Variants in CRLF1 observed in about 807,000 individuals in gnomAD.
CRLF1 encodes cytokine receptor-like factor 1.
In CRLF1, 36 loss-of-function variants were observed where a neutral mutation model predicts 48.9. The ratio of observed to expected loss-of-function variants is 0.74; its 90% confidence interval spans 0.56 to 0.97. The LOEUF (loss-of-function observed/expected upper bound fraction) is 0.97, where lower values mean the gene tolerates loss of function less well. CRLF1 is among the 50% of genes least tolerant of loss of function. The pLI, the probability that CRLF1 is intolerant of heterozygous loss-of-function variation, is 0.00. For synonymous variants in CRLF1, 256 were observed against 253.4 expected, an observed-to-expected ratio of 1.01 and a Z score of -0.10; for missense variants, 534 against 575.1, an observed-to-expected ratio of 0.93 and a Z score of 0.73.
rs540101061 is a variant in CRLF1 at position 18,596,811 on chromosome 19, CAGAGT to C, written c.856-26_856-22del. 8.2e-5 allele frequency: 133 copies of C among 1,612,994 alleles called. 2 individuals are homozygous for C. In the South Asian group the frequency reaches 9.7e-4, roughly 12 times the overall value. ...ACCACCTGGACAGTGAGGACAAGGT[CAGAGT>C]AGAGGGCGGGGCCTAGCAGGAGCGG... On this transcript the variant is annotated intron_variant, in intron 5 of 8. Transcript: ENST00000392386.
chr19:18,601,623 C>T lies in CRLF1; in HGVS notation c.116-1777G>A, dbSNP rs900761395. ...ATCGCCATGTTGGCCAGGCTGGTCT[C>T]GAACTCCTGACATCAAGTGATCCAC... On this transcript the variant is annotated intron_variant, in intron 1 of 8. Coordinates refer to ENST00000392386, the MANE Select transcript of CRLF1 (RefSeq NM_004750.5). Among the ~76,000 whole-genome samples the T allele has an allele frequency of 1.7e-4, 26 of 152,036 alleles. 1 individual carries two copies. Among genetic ancestry groups the T allele is most frequent in the Non-Finnish European group, 5.9e-5 (4 of 68,004 alleles).
At chr19:18,603,347 C>G (rs1267487828) in intron 1 of CRLF1, among the ~76,000 whole-genome samples, 1 of 152,208 alleles carries the variant, frequency 6.6e-6, no homozygotes, top group Non-Finnish European at 1.5e-5. Flanking sequence ...GAGCAGAGAC[C>G]TGAATAAAGT....
chr19:18,594,470 C>T, intron 6 of CRLF1, 36 bp from the exon 7 acceptor site: 1 of 1,316,242 alleles, frequency 7.6e-7, no homozygotes, highest in Non-Finnish European at 9.7e-7. Context: ...CAGAGCGCGC[C>T]CGGCAGGGGG....
chr19:18,594,029 T>TTCTTTGGG, intron 8 of CRLF1, 36 bp downstream of exon 8: 1 of 1,366,650 alleles, frequency 7.3e-7, no homozygotes, highest in Non-Finnish European at 1.0e-6. Context: ...GCCCTCCCCT[T>TTCTTTGGG]GCTCCCTCCC....
chr19:18,594,032 T>TTGGGCCC, intron 8 of CRLF1, 33 bp downstream of exon 8: 131 of 695,608 alleles, frequency 1.9e-4, no homozygotes, highest in Non-Finnish European at 2.6e-4. Flanking sequence ...CTCCCCTTGC[T>TTGGGCCC]CCCTCCCGCC....
chr19:18,594,029 T>TTCGGGGGG, intron 8 of CRLF1, 36 bp downstream of exon 8: 7 of 1,366,608 alleles, frequency 5.1e-6, no homozygotes, highest in South Asian at 2.5e-5. Context: ...GCCCTCCCCT[T>TTCGGGGGG]GCTCCCTCCC....
At chr19:18,597,244 G>A (rs1438104189) in intron 4 of CRLF1, among the ~76,000 whole-genome samples, 195 bp from the exon 5 acceptor site, 3 of 152,092 alleles carry the variant, frequency 2.0e-5, no homozygotes, top group African/African-American at 7.2e-5. Flanking sequence ...ATTAATGTTA[G>A]CTGTTATCAC....
chr19:18,598,475 G>C lies in CRLF1; in HGVS notation c.654C>G (p.Gly218=), dbSNP rs759235065. The change falls in exon 4 of 9, where the codon GGC becomes GGG. Residue 218 remains glycine, a synonymous_variant. Transcript: ENST00000392386. ...GCGTGAGTACATCGGAGCGGGCAGA[G>C]CCCAGGCGGTTGGTGGCCTCCACCC... The part of the protein sequence containing the change: ...EIWVEATNRL[G]SARSDVLTLD... 2 of 1,614,030 alleles carry C rather than the reference G, an allele frequency of 1.2e-6. No individual in the cohort carries two copies. The highest frequency in any genetic ancestry group is 2.7e-5 in the African/African-American group (2 of 74,938).
Position 18,593,403 on chromosome 19 carries a change from A to G in CRLF1, c.*163T>C. ...CTGGGGTGCACCCAAAGGTGGCCTCACGTGGGAGTCAGAGCTGTTATGGCC... is the reference window on the plus strand; with the variant it reads ...CTGGGGTGCACCCAAAGGTGGCCTCGCGTGGGAGTCAGAGCTGTTATGGCC... On this transcript the variant is annotated 3_prime_UTR_variant, in exon 9 of 9. Transcript: ENST00000392386. The G allele has an allele frequency of 1.1e-6, 1 of 951,022 alleles. No homozygotes were observed. The highest frequency in any genetic ancestry group is 1.6e-6 in the Non-Finnish European group (1 of 633,986). The allele number at this position is 951,022 out of a possible 1,614,324, so 58.9% of individuals were successfully genotyped here.
intron 8 of CRLF1, 33 bp downstream of exon 8, chr19:18,594,032 T>TCCCCCCCCCCCCCCCCCCCACC: frequency 1.4e-6 from 1 of 695,814 alleles, no homozygotes; most frequent in Non-Finnish European, 2.2e-6. Flanking sequence ...CTCCCCTTGC[T>TCCCCCCCCCCCCCCCCCCCACC]CCCTCCCGCC....
At chr19:18,594,893 GAGGAA>G (rs1976110679) in intron 6 of CRLF1, among the ~76,000 whole-genome samples, 2 of 152,280 alleles carry the variant, frequency 1.3e-5, no homozygotes, top group African/African-American at 4.8e-5. Flanking sequence ...GTCAGCCCAG[GAGGAA>G]AGGGCCTGAT....
Position 18,594,372 on chromosome 19 carries a change from C to G in CRLF1, c.1087G>C (p.Val363Leu). ...AGGAACTGCTTGAGCTCGCGCCGCA[C>G]CGGCCCCGAGCTCGGCTCTCCGCCC... ...PRGGEPSSGP[V>L]RRELKQFLGW... is the part of the protein sequence containing the mutation. Residue 363 changes from valine to leucine, a missense_variant, in exon 7 of 9, where the codon GTG (valine) becomes CTG (leucine). Coordinates refer to ENST00000392386, the MANE Select transcript of CRLF1 (RefSeq NM_004750.5). The G allele has an allele frequency of 6.2e-7, 1 of 1,607,426 alleles. No homozygotes were observed. Among genetic ancestry groups the G allele is most frequent in the Non-Finnish European group, 8.5e-7 (1 of 1,177,260 alleles).
chr19:18,596,428 T>C (rs1976133105), intron 6 of CRLF1, among the ~76,000 whole-genome samples, 194 bp downstream of exon 6: 1 of 152,006 alleles, frequency 6.6e-6, no homozygotes, highest in Non-Finnish European at 1.5e-5. Flanking sequence ...TAGTCCCAGC[T>C]ACTTGGGAGG....
chr19:18,603,086 G>A (rs1221569955), intron 1 of CRLF1, among the ~76,000 whole-genome samples: 1 of 152,208 alleles, frequency 6.6e-6, no homozygotes, highest in Admixed American at 6.5e-5. Context: ...ACTCATCCAC[G>A]CCTTTGTTCG....
intron 8 of CRLF1, 33 bp downstream of exon 8, chr19:18,594,032 T>TTGCCACC: frequency 2.9e-6 from 2 of 695,810 alleles, no homozygotes; most frequent in Non-Finnish European, 4.4e-6. Context: ...CTCCCCTTGC[T>TTGCCACC]CCCTCCCGCC....
chr19:18,593,706 C>T (rs773197009), intron 8 of CRLF1, 127 bp from the exon 9 acceptor site: 31 of 1,533,588 alleles, frequency 2.0e-5, no homozygotes, highest in Non-Finnish European at 2.5e-5. Flanking sequence ...TGGGCAGGGT[C>T]CTGCCCCTCT....
At chr19:18,598,360 G>C (rs1976170596) in intron 4 of CRLF1, 72 bp downstream of exon 4, 3 of 1,526,334 alleles carry the variant, frequency 2.0e-6, no homozygotes, top group Non-Finnish European at 2.7e-6. Context: ...AGAAGGTGCA[G>C]GGGACCCCTC....
In CRLF1 at chr19:18,606,685, G is replaced by A. The variant is rs1454968706; in HGVS notation, c.-29C>T. 47 of 468,670 alleles carry A rather than the reference G, an allele frequency of 1.0e-4. No individual in the cohort carries two copies. In the East Asian group the frequency reaches 6.6e-3, roughly 66 times the overall value. 29.0% of individuals were successfully genotyped at this position (468,670 alleles called of 1,614,324 possible). On this transcript the variant is annotated 5_prime_UTR_variant, in exon 1 of 9. Transcript: ENST00000392386. This position sits in a 1 kb window ranked among gnomAD's most constrained non-coding sequence, Gnocchi z 4.8. ...GCCGGCGCTGCCGGGGGCGCGCGGC[G>A]GGCTGCGGCTCGGCGGCGGTGGCGC... is the stretch of plus-strand genomic sequence containing the variant.
chr19:18,603,051 C>T (rs1375336319), intron 1 of CRLF1, among the ~76,000 whole-genome samples: 3 of 152,212 alleles, frequency 2.0e-5, no homozygotes, highest in South Asian at 2.1e-4. Flanking sequence ...AGGGGCTTCT[C>T]GTTCCACACA....
Sources: allele counts gnomAD v4.1 joint callset (sites outside exome capture counted in the v4.1 genomes callset), GRCh38; gene constraint gnomAD v4.1.1; non-coding constraint Gnocchi (gnomAD v3.1); transcripts MANE v1.5; gene names NCBI Gene and HGNC (gene_info 2026-07-23, HGNC 2026-07-21).